The following SYNPR variants were observed in gnomAD, a reference collection of about 807,000 sequenced individuals.
SYNPR encodes the protein synaptoporin.
Under a neutral mutation model 32.9 loss-of-function variants are expected in SYNPR, and 23 were observed. The ratio of observed to expected loss-of-function variants is 0.70; its 90% CI spans 0.50 to 0.99. The LOEUF is 0.99. Among genes scored for constraint, SYNPR ranks in the 50% least tolerant of loss-of-function variants. SYNPR has a pLI of 0.00. For synonymous variants in SYNPR, 146 were observed against 135.9 expected (o/e 1.07, Z -0.52); for missense variants, 318 against 349.3 (o/e 0.91, Z 0.71).
Position 63,363,254 on chromosome 3 carries a change from T to C in SYNPR, c.84+84512T>C, listed in dbSNP as rs367546280. Among the ~76,000 whole-genome samples, 5 of 152,236 alleles carry C rather than the reference T, an allele frequency of 3.3e-5. No homozygotes were observed. The East Asian group carries it at 9.6e-4, about 29-fold the overall frequency. On this transcript the variant is annotated intron_variant, in intron 2 of 5. Transcript: ENST00000478300. ...TAATGTTATCAGCCTTTTAAATTAA[T>C]TGTTTTCTTCTAGGGAAGATTTCAG...
At chr3:63,390,477 C>T (rs6789783) in intron 2 of SYNPR, among the ~76,000 whole-genome samples, 3,396 of 152,248 alleles carry the variant, frequency 0.022, 137 homozygotes, top group African/African-American at 0.073. Flanking sequence ...GGTGTCATCA[C>T]CAACTGCTTC....
chr3:63,351,930 A>G (rs1286823352), intron 2 of SYNPR, among the ~76,000 whole-genome samples: 2 of 152,214 alleles, frequency 1.3e-5, no homozygotes, highest in Admixed American at 1.3e-4. Flanking sequence ...CGACTCATAC[A>G]GTGAGAACTG....
intron 3 of SYNPR, among the ~76,000 whole-genome samples, chr3:63,503,502 A>G (rs1701523383): frequency 6.6e-6 from 1 of 152,116 alleles, no homozygotes; most frequent in Non-Finnish European, 1.5e-5. Flanking sequence ...GCCTTTTTGA[A>G]CAGAAAACAG....
At chr3:63,526,774 C>T (rs936500137) in intron 3 of SYNPR, among the ~76,000 whole-genome samples, 3 of 152,162 alleles carry the variant, frequency 2.0e-5, no homozygotes, top group African/African-American at 4.8e-5. Context: ...GGTCTGGAAA[C>T]AAAGACCAAG....
intron 2 of SYNPR, among the ~76,000 whole-genome samples, chr3:63,354,532 C>T (rs2087549826): frequency 6.6e-6 from 1 of 152,098 alleles, no homozygotes; most frequent in Non-Finnish European, 1.5e-5. Context: ...ATAACAAGGG[C>T]AAGTGGAAGC....
intron 2 of SYNPR, among the ~76,000 whole-genome samples, chr3:63,373,881 T>C (rs1016680623): frequency 2.6e-5 from 4 of 152,210 alleles, no homozygotes; most frequent in Admixed American, 2.0e-4. Flanking sequence ...ACAGTGGACC[T>C]TTCAGCAGAA....
chr3:63,599,012 A>C (rs1699999913), intron 4 of SYNPR, among the ~76,000 whole-genome samples: 1 of 152,188 alleles, frequency 6.6e-6, no homozygotes, highest in Non-Finnish European at 1.5e-5. Context: ...CATAGCATTA[A>C]ATAACACAAA....
chr3:63,217,993 C>T, the SYNPR span, among the ~76,000 whole-genome samples: 2 of 152,104 alleles, frequency 1.3e-5, no homozygotes, highest in African/African-American at 4.8e-5. Flanking sequence ...TGTTATTTCT[C>T]TCTAGCTATT....
At chr3:63,311,418 A>C (rs952739656) in intron 2 of SYNPR, among the ~76,000 whole-genome samples, 9 of 151,964 alleles carry the variant, frequency 5.9e-5, no homozygotes, top group African/African-American at 2.2e-4. Context: ...CGGGCCAAAG[A>C]CCACTATGAG....
chr3:63,471,641 C>A (rs987230553), intron 2 of SYNPR, among the ~76,000 whole-genome samples: 1 of 152,320 alleles, frequency 6.6e-6, no homozygotes, highest in Non-Finnish European at 1.5e-5. Context: ...TTAACAAAAC[C>A]TTTCTGCGCT....
At chr3:63,283,351 A>G (rs551197256) in intron 2 of SYNPR, among the ~76,000 whole-genome samples, 1 of 87,798 alleles carries the variant, frequency 1.1e-5, no homozygotes, top group African/African-American at 3.4e-5. Context: ...GCTTTAGCCA[A>G]TTTCAAGACT....
intron 4 of SYNPR, among the ~76,000 whole-genome samples, chr3:63,566,046 C>T (rs967506037): frequency 2.6e-5 from 4 of 152,184 alleles, no homozygotes; most frequent in Admixed American, 6.5e-5. Context: ...GAGAAAAATG[C>T]TGTCAACCTC....
At chr3:63,439,967 T>C (rs987402459) in intron 2 of SYNPR, among the ~76,000 whole-genome samples, 12 of 152,240 alleles carry the variant, frequency 7.9e-5, no homozygotes, top group Admixed American at 2.6e-4. Flanking sequence ...GGATATGGTA[T>C]TAAGCAAAAC....
intron 2 of SYNPR, among the ~76,000 whole-genome samples, chr3:63,429,595 T>A (rs920566568): frequency 1.3e-5 from 2 of 152,242 alleles, no homozygotes; most frequent in Admixed American, 6.5e-5. Flanking sequence ...GTAACTATTT[T>A]AAATAGAAAT....
At chr3:63,490,608 A>G (rs576758965) in intron 3 of SYNPR, among the ~76,000 whole-genome samples, 6 of 152,234 alleles carry the variant, frequency 3.9e-5, no homozygotes, top group African/African-American at 1.4e-4. Flanking sequence ...TGGTGCATCT[A>G]TAGTCCAGTC....
At chr3:63,495,916 A>G (rs1045278188) in intron 3 of SYNPR, among the ~76,000 whole-genome samples, 6 of 151,300 alleles carry the variant, frequency 4.0e-5, no homozygotes, top group African/African-American at 1.5e-4. Flanking sequence ...CACAGAATGT[A>G]CAGCATCAAG....
chr3:63,327,237 G>A (rs2087176949), intron 2 of SYNPR, among the ~76,000 whole-genome samples: 1 of 152,108 alleles, frequency 6.6e-6, no homozygotes, highest in African/African-American at 2.4e-5. Context: ...ACAATACCAA[G>A]TGACAGCAAG....
chr3:63,593,602 A>G (rs1392786540), intron 4 of SYNPR, among the ~76,000 whole-genome samples: 1 of 152,182 alleles, frequency 6.6e-6, no homozygotes, highest in Non-Finnish European at 1.5e-5. Context: ...TCTAGAAAAG[A>G]AAAAGTGCAG....
At chr3:63,264,446 A>T (rs755064620) in intron 2 of SYNPR, among the ~76,000 whole-genome samples, 1 of 152,172 alleles carries the variant, frequency 6.6e-6, no homozygotes, top group Non-Finnish European at 1.5e-5. Flanking sequence ...GCATGCAGAG[A>T]AACTCCTCGA....
Sources: allele counts gnomAD v4.1 joint callset (sites outside exome capture counted in the v4.1 genomes callset), GRCh38; gene constraint gnomAD v4.1.1; transcripts MANE v1.5; gene names NCBI Gene and HGNC (gene_info 2026-07-23, HGNC 2026-07-21).